The following CLCN7 variants were observed in gnomAD, a reference collection of about 807,000 sequenced individuals.
The protein encoded by CLCN7 is H(+)/Cl(-) exchange transporter 7.
A neutral mutation model predicts 102.1 loss-of-function variants in CLCN7; 60 were observed. The observed-to-expected ratio is 0.59, with a 90% CI of 0.48 to 0.73. The LOEUF (loss-of-function observed/expected upper bound fraction) is 0.73. Ranked by LOEUF, CLCN7 falls within the 30% of genes least tolerant of loss-of-function variation. CLCN7 has a pLI of 0.00. For missense variants in CLCN7, 962 were observed against 1,125.7 expected (o/e 0.85, Z 2.08); for synonymous variants, 560 against 490.5 (o/e 1.14, Z -1.87).
At chr16:1,449,206 G>T (rs1276797842) in intron 18 of CLCN7, 70 bp downstream of exon 18, 2 of 1,570,740 alleles carry the variant, frequency 1.3e-6, no homozygotes, top group African/African-American at 1.4e-5. Flanking sequence ...CCCTAGCCCC[G>T]CAAGGACAGC....
chr16:1,474,876 C>A lies in CLCN7; in HGVS notation c.99G>T (p.Gly33=), dbSNP rs955486757. The A allele has an allele frequency of 2.1e-6, 3 of 1,443,516 alleles. No homozygotes were observed. The African/African-American group carries it at 4.5e-5, about 21-fold the overall frequency. The allele number at this position is 1,443,516 out of a possible 1,614,324, so 89.4% of individuals were successfully genotyped here. Residue 33 remains glycine, a synonymous_variant, in exon 1 of 25, where the codon GGG becomes GGT. Transcript: ENST00000382745. ...GCCCAGCCCCGTTCAGCAGCGGCGT[C>A]CCCCCGCCGGGCCGCGCCGTCCTCC... ...LLRRTARPGG[G]TPLLNGAGPG...
intron 1 of CLCN7, among the ~76,000 whole-genome samples, chr16:1,468,869 T>A (rs2745003): frequency 0.61 from 92,242 of 151,862 alleles, 28,829 homozygotes; most frequent in African/African-American, 0.71. Context: ...CTACCTTTGC[T>A]GCTTCCTGTG....
Position 1,447,763 on chromosome 16 carries a change from T to A in CLCN7, c.2014-49A>T, listed in dbSNP as rs774985836. The A allele has an allele frequency of 4.6e-6, 7 of 1,530,602 alleles. No individual in the cohort carries two copies. In the South Asian group the frequency reaches 8.4e-5, roughly 18 times the overall value. 94.8% of individuals were successfully genotyped at this position (1,530,602 alleles called of 1,614,324 possible). A position where few individuals can be genotyped will look rare whatever the true frequency, so the allele number is the denominator to read the frequency against. On this transcript the variant is annotated intron_variant, in intron 21 of 24. Coordinates refer to ENST00000382745, the MANE Select transcript of CLCN7 (RefSeq NM_001287.6). ...GGCCACGGGCCCGAGGGTGGGAGGC[T>A]GCGCTGGAATGCTGTGTCGGGCCCC...
chr16:1,455,332 C>T (rs944111235), intron 11 of CLCN7, 82 bp from the exon 12 acceptor site: 5 of 924,998 alleles, frequency 5.4e-6, no homozygotes, highest in South Asian at 2.6e-5. Context: ...ACCATCGCCC[C>T]TCCTGTCAGC....
At chr16:1,473,086 AAC>A (rs36084043) in intron 1 of CLCN7, among the ~76,000 whole-genome samples, 22,105 of 149,902 alleles carry the variant, frequency 0.15, 2,057 homozygotes, top group African/African-American at 0.26. Flanking sequence ...TTAAAACAGA[AAC>A]ACACACACAC....
Position 1,448,363 on chromosome 16 carries a change from C to T in CLCN7, c.2005G>A (p.Asp669Asn). The change falls in exon 21 of 25, where the codon GAC becomes AAC. Residue 669 changes from aspartate (D) to asparagine (N), a missense_variant. Physicochemically the swap from Asp to Asn is conservative, Grantham distance 23. This residue lies in a region of CLCN7 where 799 missense variants were observed against 988.0 expected (regional missense o/e 0.81). Transcript: ENST00000382745. ...NGFPVVEHAD[D>N]TQPARLQGLI... ...TATGGGGTGCCCGGTACCTGGGTGTCATCGGCATGCTCCACCACGGGGAAG... is the reference window on the plus strand; with the variant it reads ...TATGGGGTGCCCGGTACCTGGGTGTTATCGGCATGCTCCACCACGGGGAAG... 3 of 1,612,732 alleles carry T rather than the reference C, an allele frequency of 1.9e-6. No individual in the cohort carries two copies. Among genetic ancestry groups the T allele is most frequent in the South Asian group, 2.2e-5 (2 of 91,064 alleles).
chr16:1,474,146 T>C, intron 1 of CLCN7: 1 of 455,860 alleles, frequency 2.2e-6, no homozygotes, highest in East Asian at 6.9e-5. Context: ...GCAACGGTTC[T>C]CCAGACCTTA....
chr16:1,466,134 G>A (rs1351198854), intron 1 of CLCN7, among the ~76,000 whole-genome samples: 6 of 152,250 alleles, frequency 3.9e-5, no homozygotes, highest in East Asian at 3.8e-4. Context: ...TGGAGGGACC[G>A]CATGCGCAGG....
At position 1,461,385 on chromosome 16, in the gene CLCN7, G is replaced by C. The variant is rs768912798; in HGVS notation, c.351+20C>G. 2.6e-6 allele frequency: 4 copies of C among 1,547,554 alleles called. No homozygotes were observed. Among genetic ancestry groups the C allele is most frequent in the Non-Finnish European group, 3.5e-6 (4 of 1,146,006 alleles). ...AGGCCCCGCACCGTGGGGCCCTGCA[G>C]GGAGCGGCGTCCAGCTCACCGTGTG... On this transcript the variant is annotated intron_variant, in intron 4 of 24. Coordinates refer to ENST00000382745, the MANE Select transcript of CLCN7 (RefSeq NM_001287.6).
intron 15 of CLCN7, 71 bp from the exon 16 acceptor site, chr16:1,451,787 T>C: frequency 7.7e-7 from 1 of 1,297,502 alleles, no homozygotes; most frequent in South Asian, 1.2e-5. Context: ...AAACCTGGTG[T>C]CGCCGTGAGA....
intron 2 of CLCN7, among the ~76,000 whole-genome samples, chr16:1,462,369 T>C: frequency 3.5e-5 from 1 of 28,920 alleles, no homozygotes; most frequent in Non-Finnish European, 8.6e-5. Flanking sequence ...ATCTGTCTTT[T>C]TTTTTTTTTT....
chr16:1,450,987 G>A (rs1306368192), intron 16 of CLCN7, among the ~76,000 whole-genome samples: 1 of 152,234 alleles, frequency 6.6e-6, no homozygotes, highest in East Asian at 1.9e-4. Flanking sequence ...GCACCGTGGT[G>A]CAGCTCGCAG....
Position 1,454,348 on chromosome 16 carries a change from T to C in CLCN7, c.1153+63A>G, listed in dbSNP as rs1032633225. On this transcript the variant is annotated intron_variant, in intron 13 of 24. Transcript: ENST00000382745. Reference sequence around the variant, plus strand: ...CCACAGCCTCCAGTCCTCGTCTCTATGGCCACGTCACAGCTGAGCCAGGCC... The same window carrying C: ...CCACAGCCTCCAGTCCTCGTCTCTACGGCCACGTCACAGCTGAGCCAGGCC... The C allele has an allele frequency of 1.0e-5, 16 of 1,542,420 alleles. No homozygotes were observed. The African/African-American group carries it at 1.4e-4, about 13-fold the overall frequency.
chr16:1,446,880 G>A, intron 24 of CLCN7, 126 bp downstream of exon 24: 2 of 1,141,374 alleles, frequency 1.8e-6, no homozygotes, highest in Non-Finnish European at 2.6e-6. Context: ...CAGCCATGGG[G>A]CATGGGCCGA....
chr16:1,451,877 G>C (rs2038757296), intron 15 of CLCN7, 161 bp from the exon 16 acceptor site: 2 of 653,780 alleles, frequency 3.1e-6, no homozygotes, highest in African/African-American at 3.5e-5. Context: ...CGGTCACAGA[G>C]GGCAAGGAGG....
chr16:1,454,498 G>A (rs1429655962), intron 12 of CLCN7, 33 bp from the exon 13 acceptor site: 6 of 1,597,608 alleles, frequency 3.8e-6, no homozygotes, highest in Non-Finnish European at 5.1e-6. Flanking sequence ...CAGAGGATGT[G>A]AGGGAAAAGG....
At chr16:1,461,340 C>G (rs984404948) in intron 4 of CLCN7, 65 bp downstream of exon 4, 1 of 1,411,830 alleles carries the variant, frequency 7.1e-7, no homozygotes, top group Non-Finnish European at 9.8e-7. Flanking sequence ...AGAAGAGCAG[C>G]CCCAGGCCCG....
At position 1,460,897 on chromosome 16, in the gene CLCN7, T is replaced by A; in HGVS notation, c.403A>T (p.Ile135Phe). The change falls in exon 5 of 25, where the codon ATC becomes TTC. Residue 135 changes from isoleucine (I) to phenylalanine (F), a missense_variant. Coordinates refer to ENST00000382745, the MANE Select transcript of CLCN7 (RefSeq NM_001287.6). Reference protein sequence around the residue: ...KRWVICALIGILTGLVACFID... With the variant: ...KRWVICALIGFLTGLVACFID... The stretch of plus-strand genomic sequence containing the variant: ...AAGCAGGCCACGAGGCCCGTGAGGA[T>A]CCCAATGAGGGCGCAGATGACCCAG... The A allele has an allele frequency of 6.2e-7, 1 of 1,613,950 alleles. No homozygotes were observed. The highest frequency in any genetic ancestry group is 8.5e-7 in the Non-Finnish European group (1 of 1,179,940).
chr16:1,461,936 T>C (rs570737328), intron 2 of CLCN7, among the ~76,000 whole-genome samples: 1 of 151,638 alleles, frequency 6.6e-6, no homozygotes, highest in East Asian at 2.0e-4. Context: ...AATACAAAAA[T>C]TAGCTGGGCG....
Sources: gnomAD v4.1 joint callset for allele counts (sites outside exome capture counted in the v4.1 genomes callset) on GRCh38, gnomAD v4.1.1 for gene constraint, gnomAD v4.1.1 regional missense constraint, MANE v1.5 for transcripts, NCBI Gene and HGNC (gene_info 2026-07-23, HGNC 2026-07-21) for gene names.